FBXW8: variants seen among roughly 807,000 people sequenced by gnomAD.
FBXW8 encodes F-box and WD repeat domain containing 8.
Under a neutral mutation model 65.3 loss-of-function variants are expected in FBXW8, and 57 were observed. That is an observed-to-expected ratio of 0.87 (90% CI 0.71 to 1.09). The LOEUF is 1.09. FBXW8 is among the 50% of genes least tolerant of loss of function. The pLI is 0.00. For missense variants in FBXW8, 777 were observed against 814.8 expected (o/e 0.95, Z 0.57); for synonymous variants, 308 against 330.2 (o/e 0.93, Z 0.73).
intron 1 of FBXW8, among the ~76,000 whole-genome samples, chr12:116,911,882 GA>G (rs1555214762): frequency 1.3e-5 from 2 of 152,034 alleles, no homozygotes; most frequent in Non-Finnish European, 2.9e-5. Context: ...AATTATCTCA[GA>G]AAAAAAGGAA....
intron 7 of FBXW8, 120 bp downstream of exon 7, chr12:116,988,989 A>G: frequency 1.1e-6 from 1 of 891,396 alleles, no homozygotes; most frequent in South Asian, 1.8e-5. Context: ...GTATATAAGC[A>G]TGGTCAAAAA....
chr12:116,967,897 G>T (rs967465624), intron 5 of FBXW8, among the ~76,000 whole-genome samples: 1 of 152,150 alleles, frequency 6.6e-6, no homozygotes, highest in Non-Finnish European at 1.5e-5. Context: ...CTCCTGAGTA[G>T]CTGGGATTAC....
At chr12:116,931,530 A>G (rs1443067778) in intron 2 of FBXW8, among the ~76,000 whole-genome samples, 3 of 151,952 alleles carry the variant, frequency 2.0e-5, no homozygotes, top group African/African-American at 7.3e-5. Context: ...ATTTATTTGT[A>G]TCATCCGTTT....
intron 7 of FBXW8, among the ~76,000 whole-genome samples, chr12:116,990,320 C>T (rs575128803): frequency 5.3e-5 from 8 of 152,268 alleles, no homozygotes; most frequent in South Asian, 4.2e-4. Flanking sequence ...GGGGCATCTC[C>T]GTTGTGTCCT....
intron 8 of FBXW8, among the ~76,000 whole-genome samples, chr12:117,020,153 T>A (rs1954061123): frequency 6.6e-6 from 1 of 152,230 alleles, no homozygotes; most frequent in African/African-American, 2.4e-5. Flanking sequence ...TGTACCATAA[T>A]TGCTTTAACT....
chr12:116,918,727 G>C (rs558177316), intron 1 of FBXW8, among the ~76,000 whole-genome samples: 1 of 152,334 alleles, frequency 6.6e-6, no homozygotes, highest in South Asian at 2.1e-4. Context: ...GAAGATGAAG[G>C]TGAGGTCAGC....
chr12:116,985,360 G>A lies in FBXW8; in HGVS notation c.990G>A (p.Glu330=). 6.2e-7 allele frequency: 1 copy of A among 1,614,026 alleles called. No homozygotes were observed. Among genetic ancestry groups the A allele is most frequent in the African/African-American group, 1.3e-5 (1 of 75,032 alleles). Residue 330 remains glutamate, a synonymous_variant, in exon 6 of 11, where the codon GAG becomes GAA. Coordinates refer to ENST00000652555, the MANE Select transcript of FBXW8 (RefSeq NM_153348.3). ...TCGTGATGTTATCCCCCAATGAGGA[G>A]GGGTACTGGCAGATAGCTGCGGAAT... ...FDVVMLSPNE[E]GYWQIAAEFE...
intron 5 of FBXW8, among the ~76,000 whole-genome samples, chr12:116,976,730 G>T (rs11068271): frequency 9.9e-5 from 15 of 151,402 alleles, no homozygotes; most frequent in Non-Finnish European, 2.2e-4. Context: ...GCCTCCCAGA[G>T]AATACTTTTT....
chr12:116,912,523 G>A lies in FBXW8; in HGVS notation c.318+1168G>A, dbSNP rs192214075. On this transcript the variant is annotated intron_variant, in intron 1 of 10. Transcript: ENST00000652555. The stretch of plus-strand genomic sequence containing the variant: ...GCCCAGGCTGGAGTTGCAGTGGCGC[G>A]ATCTCGGCTCACTGCAAGTTCCGCC... Among the ~76,000 whole-genome samples the A allele has an allele frequency of 1.2e-3, 180 of 147,102 alleles. 1 individual carries two copies. The highest frequency in any genetic ancestry group is 4.4e-3 in the African/African-American group (175 of 39,948).
intron 7 of FBXW8, among the ~76,000 whole-genome samples, chr12:117,003,852 ATCT>A (rs756632639): frequency 6.6e-6 from 1 of 151,988 alleles, no homozygotes; most frequent in Non-Finnish European, 1.5e-5. Flanking sequence ...TGCTTTTAAG[ATCT>A]TCTCCTTGTC....
rs774568782 is a variant in FBXW8 at position 116,985,301 on chromosome 12, G to A, written c.931G>A (p.Asp311Asn). ...RIQALALSQD[D>N]ATVATASAFD... ...ACAGGCACTAGCCCTCAGCCAGGAC[G>A]ATGCAACCGTGGCCACAGCTTCTGC... The change falls in exon 6 of 11, where the codon GAT (aspartate) becomes AAT (asparagine). Residue 311 changes from aspartate (D) to asparagine (N), a missense_variant. Asp to Asn is a conservative substitution (Grantham distance 23). Coordinates refer to ENST00000652555, the MANE Select transcript of FBXW8 (RefSeq NM_153348.3). 1.8e-5 allele frequency: 29 copies of A among 1,614,116 alleles called. No individual in the cohort carries two copies. The highest frequency in any genetic ancestry group is 8.3e-5 in the Admixed American group (5 of 60,008).
At chr12:116,959,057 A>G (rs937336711) in intron 4 of FBXW8, among the ~76,000 whole-genome samples, 4 of 152,132 alleles carry the variant, frequency 2.6e-5, no homozygotes, top group South Asian at 2.1e-4. Context: ...TTTGTGTATG[A>G]TCCTGTAGAG....
At chr12:116,943,255 C>G (rs11068257) in intron 2 of FBXW8, among the ~76,000 whole-genome samples, 3,297 of 152,208 alleles carry the variant, frequency 0.022, 116 homozygotes, top group African/African-American at 0.075. Context: ...ATGGGCCCTG[C>G]TTCCTTGTTT....
At chr12:116,968,505 A>G (rs1884460128) in intron 5 of FBXW8, among the ~76,000 whole-genome samples, 3 of 152,238 alleles carry the variant, frequency 2.0e-5, no homozygotes, top group African/African-American at 4.8e-5. Flanking sequence ...TGGTAATTCC[A>G]TTGTGTATAA....
At chr12:117,025,545 G>C (rs1235181657) in intron 9 of FBXW8, among the ~76,000 whole-genome samples, 2 of 152,192 alleles carry the variant, frequency 1.3e-5, no homozygotes, top group East Asian at 3.9e-4. Flanking sequence ...TCCAAGAGGC[G>C]GCAGGGTTAC....
At chr12:116,918,913 C>A (rs1880652040) in intron 1 of FBXW8, among the ~76,000 whole-genome samples, 1 of 152,120 alleles carries the variant, frequency 6.6e-6, no homozygotes, top group Admixed American at 6.5e-5. Context: ...CATTTCAAGA[C>A]CCCCGGTGGG....
At chr12:116,971,061 A>C (rs1565919996) in intron 5 of FBXW8, among the ~76,000 whole-genome samples, 1 of 152,154 alleles carries the variant, frequency 6.6e-6, no homozygotes, top group African/African-American at 2.4e-5. Flanking sequence ...GAATGCTCAC[A>C]TTTTAAACAT....
intron 4 of FBXW8, among the ~76,000 whole-genome samples, chr12:116,957,105 G>A (rs141870112): frequency 1.8e-4 from 27 of 152,210 alleles, no homozygotes; most frequent in African/African-American, 5.3e-4. Context: ...CTAGCACTTT[G>A]GGAAGTCAAG....
chr12:116,975,609 CA>C (rs1884877930), intron 5 of FBXW8, among the ~76,000 whole-genome samples: 1 of 152,188 alleles, frequency 6.6e-6, no homozygotes. Flanking sequence ...AGTAACTTTA[CA>C]GTAGAGAAAA....
Sources: gnomAD v4.1 joint callset for allele counts (sites outside exome capture counted in the v4.1 genomes callset) on GRCh38, gnomAD v4.1.1 for gene constraint, MANE v1.5 for transcripts, NCBI Gene and HGNC (gene_info 2026-07-23, HGNC 2026-07-21) for gene names.